KIAA0319L: variants seen among roughly 807,000 people sequenced by gnomAD.
The protein encoded by KIAA0319L is KIAA0319 like.
KIAA0319L carries 55 observed loss-of-function variants against 120.1 expected under a neutral mutation model. The ratio of observed to expected loss-of-function variants is 0.46; its 90% confidence interval spans 0.37 to 0.57. KIAA0319L has a LOEUF of 0.57. Ranked by LOEUF, KIAA0319L falls within the 20% of genes least tolerant of loss-of-function variation. The pLI, the probability that KIAA0319L is intolerant of heterozygous loss-of-function variation, is 0.00. For synonymous variants in KIAA0319L, 398 were observed against 471.9 expected (o/e 0.84, Z 2.03); for missense variants, 1,049 against 1,255.3 (o/e 0.84, Z 2.48).
chr1:35,511,520 A>G (rs1390814584), intron 2 of KIAA0319L: 4 of 152,200 alleles, frequency 2.6e-5, no homozygotes, highest in African/African-American at 9.7e-5. Flanking sequence ...ACTTGAGCCC[A>G]TGAGTTCAAG....
chr1:35,556,260 C>A (rs1648018222), intron 1 of KIAA0319L, among the ~76,000 whole-genome samples: 2 of 152,214 alleles, frequency 1.3e-5, no homozygotes, highest in Admixed American at 1.3e-4. Context: ...GTAATGTTTA[C>A]TTAATACTTC....
chr1:35,462,204 G>A (rs566343821), intron 8 of KIAA0319L, among the ~76,000 whole-genome samples: 3 of 152,230 alleles, frequency 2.0e-5, no homozygotes, highest in Admixed American at 1.3e-4. Flanking sequence ...TGAGAATCTC[G>A]TTAGGCAAGT....
At chr1:35,512,258 ACT>A (rs1191198044) in intron 2 of KIAA0319L, among the ~76,000 whole-genome samples, 3 of 151,308 alleles carry the variant, frequency 2.0e-5, no homozygotes, top group African/African-American at 7.3e-5. Flanking sequence ...ACAGAGCAAG[ACT>A]CTGTCTCAAA....
At chr1:35,440,544 T>G (rs1472400728) in intron 20 of KIAA0319L, 1 of 154,970 alleles carries the variant, frequency 6.5e-6, no homozygotes, top group Non-Finnish European at 1.4e-5. Flanking sequence ...TCTTACTGTT[T>G]GTGCAAGGAA....
At chr1:35,554,699 A>T (rs1165356303) in intron 1 of KIAA0319L, 180 bp from the exon 2 acceptor site, 4 of 426,992 alleles carry the variant, frequency 9.4e-6, no homozygotes, top group Non-Finnish European at 1.2e-5. Flanking sequence ...TAATTATCAG[A>T]ATAACAACAC....
chr1:35,473,677 A>G (rs1039807845), intron 5 of KIAA0319L, among the ~76,000 whole-genome samples: 1 of 152,362 alleles, frequency 6.6e-6, no homozygotes, highest in African/African-American at 2.4e-5. Flanking sequence ...CCTCGATTTG[A>G]GAGCAGAAAT....
At chr1:35,535,565 T>C (rs1463490212) in intron 2 of KIAA0319L, among the ~76,000 whole-genome samples, 1 of 152,174 alleles carries the variant, frequency 6.6e-6, no homozygotes, top group African/African-American at 2.4e-5. Flanking sequence ...ATTTTAACAG[T>C]ACCTACCCTA....
chr1:35,451,938 ATTTGGCCTC>A, intron 12 of KIAA0319L, 162 bp from the exon 13 acceptor site: 1 of 755,660 alleles, frequency 1.3e-6, no homozygotes, highest in Non-Finnish European at 2.1e-6. Flanking sequence ...ACAAAGTGTC[ATTTGGCCTC>A]AAAATACAGG....
At chr1:35,546,740 C>G (rs1427091534) in intron 2 of KIAA0319L, among the ~76,000 whole-genome samples, 1 of 152,164 alleles carries the variant, frequency 6.6e-6, no homozygotes, top group African/African-American at 2.4e-5. Context: ...AAGCCAAGTT[C>G]CATTTCCTCC....
chr1:35,546,569 C>T lies in KIAA0319L; in HGVS notation c.142+7781G>A, dbSNP rs373248856. ...CAGGGAACTGGACAGCAATCTTTCACGAAGAACAGTGCCTGCCTCAATAAA... is the reference window on the plus strand; with the variant it reads ...CAGGGAACTGGACAGCAATCTTTCATGAAGAACAGTGCCTGCCTCAATAAA... On this transcript the variant is annotated intron_variant, in intron 2 of 20. Coordinates refer to ENST00000325722, the MANE Select transcript of KIAA0319L (RefSeq NM_024874.5). Among the ~76,000 whole-genome samples the T allele has an allele frequency of 7.2e-5, 11 of 152,324 alleles. No individual in the cohort carries two copies. The East Asian group carries it at 9.6e-4, about 13-fold the overall frequency.
intron 4 of KIAA0319L, among the ~76,000 whole-genome samples, chr1:35,477,481 C>A (rs1036130524): frequency 6.6e-6 from 1 of 152,042 alleles, no homozygotes; most frequent in Admixed American, 6.5e-5. Flanking sequence ...TCCTGGCTAA[C>A]ACGGTGAAAC....
intron 2 of KIAA0319L, among the ~76,000 whole-genome samples, chr1:35,542,972 A>T (rs1191554283): frequency 6.6e-6 from 1 of 152,232 alleles, no homozygotes; most frequent in Non-Finnish European, 1.5e-5. Flanking sequence ...TTGTCACACA[A>T]ATGGGGAAGT....
chr1:35,528,354 G>A (rs1646234093), intron 2 of KIAA0319L, among the ~76,000 whole-genome samples: 1 of 152,144 alleles, frequency 6.6e-6, no homozygotes, highest in South Asian at 2.1e-4. Flanking sequence ...AGTGTTTCAA[G>A]AAATTTATCT....
In KIAA0319L at chr1:35,506,722, G is replaced by T; in HGVS notation, c.556C>A (p.Leu186Ile). The T allele has an allele frequency of 6.2e-7, 1 of 1,614,196 alleles. No homozygotes were observed. The highest frequency in any genetic ancestry group is 8.5e-7 in the Non-Finnish European group (1 of 1,180,026). ...TCACTGGGACTACCTCTCTTCTGAAGCTTCCTGATTAAGCTCTGCTGGTCA... is the reference window on the plus strand; with the variant it reads ...TCACTGGGACTACCTCTCTTCTGAATCTTCCTGATTAAGCTCTGCTGGTCA... ...SSDQQSLIRK[L>I]QKRGSPSDVV... Residue 186 changes from leucine to isoleucine, a missense_variant, in exon 3 of 21, where the codon CTT becomes ATT. Transcript: ENST00000325722. The surrounding 1 kb of genome is among the most constrained non-coding windows in gnomAD (Gnocchi z 4.0).
intron 3 of KIAA0319L, among the ~76,000 whole-genome samples, chr1:35,503,064 C>G (rs1036715336): frequency 6.6e-6 from 1 of 152,094 alleles, no homozygotes; most frequent in Non-Finnish European, 1.5e-5. Context: ...CTATCCTTCA[C>G]GATGGCTATT....
In KIAA0319L at chr1:35,450,402, C is replaced by T; in HGVS notation, c.2170G>A (p.Val724Ile). The T allele has an allele frequency of 1.2e-6, 2 of 1,614,142 alleles. No individual in the cohort carries two copies. Among genetic ancestry groups the T allele is most frequent in the African/African-American group, 1.3e-5 (1 of 75,054 alleles). The change falls in exon 14 of 21, where the codon GTC becomes ATC. Residue 724 changes from valine (V) to isoleucine (I), a missense_variant. By Grantham distance (29) the Val-to-Ile change is conservative. Coordinates refer to ENST00000325722, the MANE Select transcript of KIAA0319L (RefSeq NM_024874.5). The part of the protein sequence containing the change: ...GSKSSDDKGI[V>I]SYLWTRDEGS... ...TCATCTCGAGTCCAGAGGTAGCTGA[C>T]TATTCCCTTGTCATCTGAGGACTTA...
At position 35,514,352 on chromosome 1, in the gene KIAA0319L, G is replaced by A. The variant is rs533677726; in HGVS notation, c.143-7217C>T. On this transcript the variant is annotated intron_variant, in intron 2 of 20. Coordinates refer to ENST00000325722, the MANE Select transcript of KIAA0319L (RefSeq NM_024874.5). ...ATTTACTGTGTTGGAAAGTATCATC[G>A]ATGCTAGGGATTAAAAAAAAAAAAC... Among the ~76,000 whole-genome samples the A allele has an allele frequency of 2.8e-4, 42 of 147,702 alleles. No individual in the cohort carries two copies. The South Asian group carries it at 6.9e-3, about 24-fold the overall frequency.
chr1:35,441,250 G>A lies in KIAA0319L; in HGVS notation c.2871-112C>T, dbSNP rs866391981. On this transcript the variant is annotated intron_variant, in intron 19 of 20. Coordinates refer to ENST00000325722, the MANE Select transcript of KIAA0319L (RefSeq NM_024874.5). ...TTTTGGTGGGGCACCTACTGAGAGG[G>A]GTGTCCTCTCCTCACTTCTCAGCCA... The A allele has an allele frequency of 1.2e-5, 10 of 830,554 alleles. 1 individual carries two copies. In the Middle Eastern group the frequency reaches 2.4e-3, roughly 195 times the overall value. The allele number at this position is 830,554 out of a possible 1,614,324, so 51.4% of individuals were successfully genotyped here. A position where few individuals can be genotyped will look rare whatever the true frequency, so the allele number is the denominator to read the frequency against.
At chr1:35,514,176 G>C (rs2148423465) in intron 2 of KIAA0319L, among the ~76,000 whole-genome samples, 1 of 152,114 alleles carries the variant, frequency 6.6e-6, no homozygotes, top group Non-Finnish European at 1.5e-5. Flanking sequence ...ATAAAGACCA[G>C]GTGGCAAGAT....
Sources: allele counts gnomAD v4.1 joint callset (sites outside exome capture counted in the v4.1 genomes callset), GRCh38; gene constraint gnomAD v4.1.1; non-coding constraint Gnocchi (gnomAD v3.1); transcripts MANE v1.5; gene names NCBI Gene and HGNC (gene_info 2026-07-23, HGNC 2026-07-21).